Variants in RAB3GAP2 observed in about 807,000 individuals in gnomAD.
The protein encoded by RAB3GAP2 is rab3 GTPase-activating protein non-catalytic subunit.
Under a neutral mutation model 185.3 loss-of-function variants are expected in RAB3GAP2, and 87 were observed. That is an observed-to-expected ratio of 0.47 (90% confidence interval 0.39 to 0.56). RAB3GAP2 has a LOEUF of 0.56. RAB3GAP2 is among the 20% of genes least tolerant of loss of function. The pLI is 0.00. For synonymous variants in RAB3GAP2, 554 were observed against 576.1 expected, an observed-to-expected ratio of 0.96 and a Z score of 0.55; for missense variants, 1,492 against 1,638.2, an observed-to-expected ratio of 0.91 and a Z score of 1.54.
chr1:220,252,767 T>C (rs1659961357), intron 1 of RAB3GAP2, among the ~76,000 whole-genome samples: 1 of 152,162 alleles, frequency 6.6e-6, no homozygotes, highest in Admixed American at 6.5e-5. Context: ...CAGAGCTGTG[T>C]AGAGTCTCGG....
In RAB3GAP2 at chr1:220,172,623, C is replaced by A. The variant is rs774886279; in HGVS notation, c.2416+14G>T. The A allele has an allele frequency of 7.6e-6, 12 of 1,570,580 alleles. No individual in the cohort carries two copies. The highest frequency in any genetic ancestry group is 1.4e-5 in the African/African-American group (1 of 73,922). ...CACGAAACTTTGTTGACGAGAGCAA[C>A]AAACTTTGTTTACCTTTCATCTTGC... On this transcript the variant is annotated intron_variant, in intron 22 of 34. Coordinates refer to ENST00000358951, the MANE Select transcript of RAB3GAP2 (RefSeq NM_012414.4).
At chr1:220,168,518 C>A (rs1658114164) in intron 24 of RAB3GAP2, among the ~76,000 whole-genome samples, 1 of 152,034 alleles carries the variant, frequency 6.6e-6, no homozygotes, top group Non-Finnish European at 1.5e-5. Flanking sequence ...CTGTCTCAGG[C>A]TCCCAAGTAG....
chr1:220,202,100 G>A (rs1658871844), intron 9 of RAB3GAP2, among the ~76,000 whole-genome samples, 176 bp downstream of exon 9: 1 of 152,118 alleles, frequency 6.6e-6, no homozygotes, highest in Non-Finnish European at 1.5e-5. Context: ...GGAAGGTGGA[G>A]GTTGCAGTGA....
At chr1:220,163,335 A>C (rs73098550) in intron 27 of RAB3GAP2, among the ~76,000 whole-genome samples, 7,405 of 152,126 alleles carry the variant, frequency 0.049, 215 homozygotes, top group African/African-American at 0.08. Flanking sequence ...TGACTTGAAG[A>C]AATACTAGTC....
intron 1 of RAB3GAP2, among the ~76,000 whole-genome samples, chr1:220,236,412 G>A (rs779440314): frequency 3.9e-5 from 6 of 152,104 alleles, no homozygotes; most frequent in Non-Finnish European, 7.4e-5. Flanking sequence ...TCCTGAACTC[G>A]TGATCCGCCC....
chr1:220,210,871 G>A lies in RAB3GAP2; in HGVS notation c.440C>T (p.Ser147Phe). Residue 147 changes from serine (S) to phenylalanine (F), a missense_variant, in exon 6 of 35, where the codon TCC (serine) becomes TTC (phenylalanine). Coordinates refer to ENST00000358951, the MANE Select transcript of RAB3GAP2 (RefSeq NM_012414.4). ...GCAGGTCCAGTCAGGACGCCCAGTG[G>A]AACTCCTGTTACAAACAAAATTTAT... The part of the protein sequence containing the change: ...CIPLASQKRS[S>F]TGRPDWTCIV... The A allele has an allele frequency of 6.2e-7, 1 of 1,613,794 alleles. No homozygotes were observed. Among genetic ancestry groups the A allele is most frequent in the East Asian group, 2.2e-5 (1 of 44,772 alleles).
chr1:220,250,518 T>C lies in RAB3GAP2; in HGVS notation c.116-17655A>G, dbSNP rs530495682. ...TTGAACATTTGAGTTAATGCTAAAA[T>C]AAGTTAAGACTCTGGGGGACTGTTG... On this transcript the variant is annotated intron_variant, in intron 1 of 34. Coordinates refer to ENST00000358951, the MANE Select transcript of RAB3GAP2 (RefSeq NM_012414.4). Among the ~76,000 whole-genome samples the C allele has an allele frequency of 4.6e-5, 7 of 152,360 alleles. No individual in the cohort carries two copies. In the South Asian group the frequency reaches 1.4e-3, roughly 32 times the overall value.
chr1:220,153,246 A>G lies in RAB3GAP2; in HGVS notation c.3806T>C (p.Val1269Ala), dbSNP rs755092641. The G allele has an allele frequency of 1.2e-5, 20 of 1,614,020 alleles. No homozygotes were observed. In the East Asian group the frequency reaches 4.2e-4, roughly 34 times the overall value. The change falls in exon 33 of 35, where the codon GTT becomes GCT. Residue 1269 changes from valine (V) to alanine (A), a missense_variant. Around this residue, in one of 5 missense-constraint regions of RAB3GAP2, gnomAD observed 387 missense variants for 455.3 expected, o/e 0.85. Coordinates refer to ENST00000358951, the MANE Select transcript of RAB3GAP2 (RefSeq NM_012414.4). ...LAHHLQVSED[V>A]VRRHYVGELY... The stretch of plus-strand genomic sequence containing the variant: ...TTCCCCCACATAATGCCTTCTAACA[A>G]CATCTTCACTAACTTGAAGGTGATG...
At chr1:220,257,212 AC>A (rs1433470795) in intron 1 of RAB3GAP2, among the ~76,000 whole-genome samples, 3 of 152,008 alleles carry the variant, frequency 2.0e-5, no homozygotes, top group Non-Finnish European at 4.4e-5. Flanking sequence ...CCATGTCTCT[AC>A]TAAAAATACA....
At chr1:220,195,759 A>T (rs1658712520) in intron 10 of RAB3GAP2, among the ~76,000 whole-genome samples, 1 of 152,228 alleles carries the variant, frequency 6.6e-6, no homozygotes, top group South Asian at 2.1e-4. Context: ...ATACACACAC[A>T]CATTTTTATA....
intron 1 of RAB3GAP2, among the ~76,000 whole-genome samples, chr1:220,238,365 C>T (rs1241267706): frequency 6.6e-6 from 1 of 152,198 alleles, no homozygotes; most frequent in Non-Finnish European, 1.5e-5. Flanking sequence ...CAGCTCAAGT[C>T]TAGAACATCA....
chr1:220,251,729 A>G (rs1306873712), intron 1 of RAB3GAP2, among the ~76,000 whole-genome samples: 1 of 152,234 alleles, frequency 6.6e-6, no homozygotes, highest in Admixed American at 6.5e-5. Flanking sequence ...ACCCACATGT[A>G]TAAGGATGCT....
intron 2 of RAB3GAP2, among the ~76,000 whole-genome samples, chr1:220,226,396 A>C (rs1320288571): frequency 6.6e-6 from 1 of 152,122 alleles, no homozygotes; most frequent in African/African-American, 2.4e-5. Context: ...ATAGCAAAAA[A>C]ATTGTAATAC....
intron 21 of RAB3GAP2, among the ~76,000 whole-genome samples, chr1:220,177,037 C>T (rs1450050336): frequency 7.9e-5 from 12 of 152,196 alleles, no homozygotes. Flanking sequence ...TCACTTCTAC[C>T]CCCTCTAACT....
intron 17 of RAB3GAP2, among the ~76,000 whole-genome samples, chr1:220,187,159 A>G (rs1474519631): frequency 6.6e-6 from 1 of 152,224 alleles, no homozygotes; most frequent in Non-Finnish European, 1.5e-5. Context: ...GCTATAAAAT[A>G]ATAAGAAATA....
intron 33 of RAB3GAP2, 120 bp downstream of exon 33, chr1:220,153,065 T>C: frequency 1.3e-6 from 1 of 772,452 alleles, no homozygotes; most frequent in Non-Finnish European, 2.3e-6. Context: ...TCTATTTTTA[T>C]ACCTAGATGT....
intron 29 of RAB3GAP2, among the ~76,000 whole-genome samples, chr1:220,159,017 T>C (rs540387322): frequency 7.2e-5 from 11 of 152,190 alleles, no homozygotes; most frequent in Non-Finnish European, 1.5e-4. Flanking sequence ...ATATATCATA[T>C]ATATAGGTAG....
intron 8 of RAB3GAP2, 114 bp downstream of exon 8, chr1:220,205,793 A>G (rs1383344997): frequency 1.3e-6 from 1 of 789,424 alleles, no homozygotes; most frequent in African/African-American, 1.8e-5. Flanking sequence ...TTTTTCCCAT[A>G]AATCTAGTTC....
At position 220,150,106 on chromosome 1, in the gene RAB3GAP2, CTTTTTTTT is replaced by C. The variant is rs11316594; in HGVS notation, c.*1137_*1144del. Reference sequence around the variant, plus strand: ...AGAGTTTTGGTTAGTTTGGTTTTTTCTTTTTTTTTTTTTTTTCGAGACAGGGTCTTGCT... The same window carrying C: ...AGAGTTTTGGTTAGTTTGGTTTTTTCTTTTTTTTCGAGACAGGGTCTTGCT... On this transcript the variant is annotated 3_prime_UTR_variant, in exon 35 of 35. Coordinates refer to ENST00000358951, the MANE Select transcript of RAB3GAP2 (RefSeq NM_012414.4). The C allele has an allele frequency of 4.1e-3, 542 of 132,986 alleles. 3 individuals carry two copies. The highest frequency in any genetic ancestry group is 0.014 in the African/African-American group (517 of 35,988). 8.2% of individuals were successfully genotyped at this position (132,986 alleles called of 1,614,324 possible).
Sources: allele counts gnomAD v4.1 joint callset (sites outside exome capture counted in the v4.1 genomes callset), GRCh38; gene constraint gnomAD v4.1.1; regional missense constraint gnomAD v4.1.1; transcripts MANE v1.5; gene names NCBI Gene and HGNC (gene_info 2026-07-23, HGNC 2026-07-21).